PTPRB: variants seen among roughly 807,000 people sequenced by gnomAD.
PTPRB encodes the protein receptor-type tyrosine-protein phosphatase beta.
In PTPRB, 97 loss-of-function variants were observed where a neutral mutation model predicts 238.1. The ratio of observed to expected loss-of-function variants is 0.41; its 90% CI spans 0.35 to 0.48. The LOEUF (loss-of-function observed/expected upper bound fraction) is 0.48, where lower values mean the gene tolerates loss of function less well. Among genes scored for constraint, PTPRB ranks in the 20% least tolerant of loss-of-function variants. The probability of loss-of-function intolerance (pLI) is 0.30; values close to 1 mark genes in which losing one functional copy is unlikely to be tolerated. For missense variants in PTPRB, 2,292 were observed against 2,681.9 expected (o/e 0.85, Z 3.21); for synonymous variants, 970 against 995.4 (o/e 0.97, Z 0.48).
At position 70,635,726 on chromosome 12, in the gene PTPRB, T is replaced by G; in HGVS notation, c.396A>C (p.Lys132Asn). ...GTTTTCCCTCCTTGTTGACATCTATTTTCATCCAGCTATGGAGGTATTTCC... is the reference window on the plus strand; with the variant it reads ...GTTTTCCCTCCTTGTTGACATCTATGTTCATCCAGCTATGGAGGTATTTCC... ...KARKYLHSWM[K>N]IDVNKEGKLV... The change falls in exon 2 of 34, where the codon AAA (lysine) becomes AAC (asparagine). Residue 132 changes from lysine to asparagine, a missense_variant. By Grantham distance (94) the Lys-to-Asn change is moderately conservative. This residue lies in a region of PTPRB where 1,205 missense variants were observed against 1,287.8 expected (regional missense o/e 0.94). Transcript: ENST00000334414. The G allele has an allele frequency of 1.2e-6, 2 of 1,613,968 alleles. No homozygotes were observed. The highest frequency in any genetic ancestry group is 1.7e-6 in the Non-Finnish European group (2 of 1,179,878).
chr12:70,545,927 A>G (rs1211424991), intron 21 of PTPRB, among the ~76,000 whole-genome samples: 2 of 152,216 alleles, frequency 1.3e-5, no homozygotes, highest in Non-Finnish European at 2.9e-5. Flanking sequence ...ACCTGAGGTC[A>G]GGAGTTCGAG....
At chr12:70,554,493 C>G (rs1877357484) in intron 20 of PTPRB, among the ~76,000 whole-genome samples, 1 of 152,136 alleles carries the variant, frequency 6.6e-6, no homozygotes, top group African/African-American at 2.4e-5. Flanking sequence ...ATATAATAAG[C>G]TTGAAAGCTC....
Position 70,560,910 on chromosome 12 carries a change from C to T in PTPRB, c.4193G>A (p.Arg1398Lys). 6.2e-7 allele frequency: 1 copy of T among 1,613,400 alleles called. No homozygotes were observed. The highest frequency in any genetic ancestry group is 2.2e-5 in the East Asian group (1 of 44,868). The change falls in exon 17 of 34, where the codon AGG becomes AAG. Residue 1398 changes from arginine to lysine, a missense_variant. Around this residue, in one of 4 missense-constraint regions of PTPRB, gnomAD observed 683 missense variants for 862.0 expected, o/e 0.79. Coordinates refer to ENST00000334414, the MANE Select transcript of PTPRB (RefSeq NM_001109754.4). This position sits in a 1 kb window ranked among gnomAD's most constrained non-coding sequence, Gnocchi z 4.2. ...RTVPASVSHL[R>K]GSNRNTTDSL... ...GTCTGTCGTGTTCCGATTGGACCCC[C>T]TGAGATGACTCACAGAGGCTGGGAC...
chr12:70,533,695 G>T (rs1180683858), intron 31 of PTPRB, among the ~76,000 whole-genome samples: 1 of 152,180 alleles, frequency 6.6e-6, no homozygotes, highest in African/African-American at 2.4e-5. Context: ...GGTCATGAGG[G>T]CTCTGCCCTC....
At chr12:70,542,912 A>C (rs537487733) in intron 22 of PTPRB, 14 of 151,136 alleles carry the variant, frequency 9.3e-5, no homozygotes, top group African/African-American at 3.4e-4. Context: ...AAAAGGAAAA[A>C]AATATATATA....
At chr12:70,597,311 C>T (rs1056619345) in intron 4 of PTPRB, among the ~76,000 whole-genome samples, 1 of 152,182 alleles carries the variant, frequency 6.6e-6, no homozygotes, top group African/African-American at 2.4e-5. Flanking sequence ...GCAAATCTTG[C>T]ACCCAGCTGT....
At chr12:70,567,340 G>A (rs377360222) in intron 14 of PTPRB, among the ~76,000 whole-genome samples, 1 of 152,154 alleles carries the variant, frequency 6.6e-6, no homozygotes, top group African/African-American at 2.4e-5. Flanking sequence ...TGTTTCTCCT[G>A]CTTTTGCAAA....
In PTPRB at chr12:70,566,481, G is replaced by A; in HGVS notation, c.3858C>T (p.Val1286=). 2 of 1,613,972 alleles carry A rather than the reference G, an allele frequency of 1.2e-6. No homozygotes were observed. Among genetic ancestry groups the A allele is most frequent in the Non-Finnish European group, 1.7e-6 (2 of 1,179,874 alleles). The change falls in exon 15 of 34, where the codon GTC becomes GTT. Residue 1286 remains valine (V), a synonymous_variant. Transcript: ENST00000334414. ...GKKYKIQILT[V]SGGLFSKEAQ... ...CTTCCTTGCTAAAGAGGCCTCCACTGACAGTTAGGATCTGTATCTTGTATT... is the reference window on the plus strand; with the variant it reads ...CTTCCTTGCTAAAGAGGCCTCCACTAACAGTTAGGATCTGTATCTTGTATT...
chr12:70,565,811 A>G (rs1465393444), intron 15 of PTPRB, among the ~76,000 whole-genome samples: 2 of 152,212 alleles, frequency 1.3e-5, no homozygotes, highest in African/African-American at 4.8e-5. Context: ...TTCTGTGGCA[A>G]AAAGGGCTTT....
intron 32 of PTPRB, chr12:70,525,279 G>C (rs1340823548): frequency 6.6e-6 from 1 of 152,104 alleles, no homozygotes; most frequent in Non-Finnish European, 1.5e-5. Flanking sequence ...AGTTTTCTTA[G>C]ATGAATCCCA....
At chr12:70,590,879 T>C (rs549401430) in intron 7 of PTPRB, among the ~76,000 whole-genome samples, 2 of 151,390 alleles carry the variant, frequency 1.3e-5, no homozygotes, top group African/African-American at 4.8e-5. Flanking sequence ...CTCTTTTCCC[T>C]CTTTGTCACA....
At chr12:70,522,967 G>A (rs1592377902) in intron 33 of PTPRB, among the ~76,000 whole-genome samples, 1 of 148,838 alleles carries the variant, frequency 6.7e-6, no homozygotes, top group South Asian at 2.1e-4. Flanking sequence ...GGTTCAAGCA[G>A]TTCTCCTGCC....
intron 2 of PTPRB, among the ~76,000 whole-genome samples, chr12:70,623,319 T>C (rs775631189): frequency 6.6e-6 from 1 of 152,192 alleles, no homozygotes; most frequent in Non-Finnish European, 1.5e-5. Context: ...CTTATAGCTT[T>C]GTTTTGCAAG....
At chr12:70,545,224 T>A (rs903577337) in intron 21 of PTPRB, among the ~76,000 whole-genome samples, 1 of 152,152 alleles carries the variant, frequency 6.6e-6, no homozygotes, top group Non-Finnish European at 1.5e-5. Context: ...GAGGGAAAAC[T>A]ATTGAGAAGT....
At position 70,613,594 on chromosome 12, in the gene PTPRB, T is replaced by C. The variant is rs138286219; in HGVS notation, c.709-4255A>G. Among the ~76,000 whole-genome samples the C allele has an allele frequency of 4.3e-4, 66 of 152,268 alleles. No homozygotes were observed. The East Asian group carries it at 0.013, about 29-fold the overall frequency. On this transcript the variant is annotated intron_variant, in intron 3 of 33. Transcript: ENST00000334414. The stretch of plus-strand genomic sequence containing the variant: ...TCACAAGGAAAAATTATGTCTTTAT[T>C]ATTCTTCATCTCAGTGGCCATTTAA...
At position 70,600,116 on chromosome 12, in the gene PTPRB, T is replaced by C. The variant is rs185142856; in HGVS notation, c.980-3789A>G. Among the ~76,000 whole-genome samples the C allele has an allele frequency of 2.0e-5, 3 of 152,264 alleles. No homozygotes were observed. In the East Asian group the frequency reaches 5.8e-4, roughly 29 times the overall value. On this transcript the variant is annotated intron_variant, in intron 4 of 33. Coordinates refer to ENST00000334414, the MANE Select transcript of PTPRB (RefSeq NM_001109754.4). The stretch of plus-strand genomic sequence containing the variant: ...TTTATTGATATAGAAATGTCTAGAC[T>C]CTTTAGAATTAGAAGTGATTGTATT...
intron 32 of PTPRB, among the ~76,000 whole-genome samples, chr12:70,526,294 C>G (rs1872429382): frequency 6.6e-6 from 1 of 152,166 alleles, no homozygotes; most frequent in Non-Finnish European, 1.5e-5. Context: ...CTTTGAACTC[C>G]TGGTCTTAAG....
At chr12:70,601,558 T>C (rs1474561506) in intron 4 of PTPRB, among the ~76,000 whole-genome samples, 1 of 152,086 alleles carries the variant, frequency 6.6e-6, no homozygotes, top group African/African-American at 2.4e-5. Flanking sequence ...GGAGACTTGA[T>C]TGGAACTGCA....
chr12:70,525,405 C>G (rs1872278450), intron 32 of PTPRB: 1 of 152,122 alleles, frequency 6.6e-6, no homozygotes, highest in Admixed American at 6.5e-5. Flanking sequence ...CCCCGCTGGA[C>G]TGTTAGTTCT....
Sources: gnomAD v4.1 joint callset for allele counts (sites outside exome capture counted in the v4.1 genomes callset) on GRCh38, gnomAD v4.1.1 for gene constraint, gnomAD v4.1.1 regional missense constraint, Gnocchi (gnomAD v3.1) non-coding constraint, MANE v1.5 for transcripts, NCBI Gene and HGNC (gene_info 2026-07-23, HGNC 2026-07-21) for gene names.